The following NAT8L variants were observed in gnomAD, a reference collection of about 807,000 sequenced individuals.
The protein encoded by NAT8L is aspartate N-acetyltransferase.
Under a neutral mutation model 21.2 loss-of-function variants are expected in NAT8L, and 6 were observed. The observed-to-expected ratio is 0.28, with a 90% confidence interval of 0.16 to 0.56. The LOEUF is 0.56. NAT8L is among the 20% of genes least tolerant of loss of function. The pLI is 0.93. For synonymous variants in NAT8L, 239 were observed against 204.9 expected (o/e 1.17, Z -1.42); for missense variants, 331 against 433.3 (o/e 0.76, Z 2.10).
Position 2,059,562 on chromosome 4 carries a change from C to G in NAT8L, c.51C>G (p.Ala17=). Residue 17 remains alanine, a synonymous_variant, in exon 1 of 3, where the codon GCC becomes GCG. Transcript: ENST00000423729. The surrounding 1 kb of genome is among the most constrained non-coding windows in gnomAD (Gnocchi z 4.8). ...DMVCETKIVA[A]EDHEALPGAK... ...TCTGCGAGACGAAGATCGTGGCCGC[C>G]GAGGACCATGAGGCGCTGCCGGGGG... 2.0e-6 allele frequency: 2 copies of G among 1,000,344 alleles called. No individual in the cohort carries two copies. Among genetic ancestry groups the G allele is most frequent in the South Asian group, 3.9e-5 (1 of 25,676 alleles). 62.0% of individuals were successfully genotyped at this position (1,000,344 alleles called of 1,614,324 possible). A position where few individuals can be genotyped will look rare whatever the true frequency, so the allele number is the denominator to read the frequency against.
intron 2 of NAT8L, among the ~76,000 whole-genome samples, chr4:2,061,832 C>T (rs1729898334): frequency 6.6e-6 from 1 of 152,152 alleles, no homozygotes; most frequent in Non-Finnish European, 1.5e-5. Context: ...TCTCTGCGAT[C>T]CTGGAGCGTC....
intron 2 of NAT8L, 147 bp downstream of exon 2, chr4:2,061,309 C>G: frequency 6.9e-7 from 1 of 1,443,402 alleles, no homozygotes; most frequent in Non-Finnish European, 9.2e-7. Flanking sequence ...TCTGGGTGAC[C>G]GAGGCCTCCG....
chr4:2,066,941 G>A lies in NAT8L; in HGVS notation c.*2814G>A, dbSNP rs1283205985. Reference sequence around the variant, plus strand: ...CTGGGCGAAGGAGGACATCCTCACTGGACGAGCACTGCAGGCCTGACGAGA... The same window carrying A: ...CTGGGCGAAGGAGGACATCCTCACTAGACGAGCACTGCAGGCCTGACGAGA... On this transcript the variant is annotated 3_prime_UTR_variant, in exon 3 of 3. Transcript: ENST00000423729. 6.6e-6 allele frequency: 1 copy of A among 152,390 alleles called. No individual in the cohort carries two copies. Among genetic ancestry groups the A allele is most frequent in the Non-Finnish European group, 1.5e-5 (1 of 68,168 alleles). 9.4% of individuals were successfully genotyped at this position (152,390 alleles called of 1,614,324 possible). A position where few individuals can be genotyped will look rare whatever the true frequency, so the allele number is the denominator to read the frequency against.
chr4:2,066,029 T>G lies in NAT8L; in HGVS notation c.*1902T>G, dbSNP rs1373706335. 1 of 152,434 alleles carries G rather than the reference T, an allele frequency of 6.6e-6. No homozygotes were observed. The highest frequency in any genetic ancestry group is 1.9e-4 in the East Asian group (1 of 5,160). 9.4% of individuals were successfully genotyped at this position (152,434 alleles called of 1,614,324 possible). ...GCAGGGCGGGCCAGGTGGAGTCAGG[T>G]CTTGGGGGTGTCATGTCGGGGTGCT... On this transcript the variant is annotated 3_prime_UTR_variant, in exon 3 of 3. Coordinates refer to ENST00000423729, the MANE Select transcript of NAT8L (RefSeq NM_178557.4).
chr4:2,065,358 C>G lies in NAT8L; in HGVS notation c.*1231C>G, dbSNP rs1422739368. 1.3e-5 allele frequency: 2 copies of G among 151,470 alleles called. No individual in the cohort carries two copies. Among genetic ancestry groups the G allele is most frequent in the African/African-American group, 4.9e-5 (2 of 41,056 alleles). The allele number at this position is 151,470 out of a possible 1,614,324, so 9.4% of individuals were successfully genotyped here. A position where few individuals can be genotyped will look rare whatever the true frequency, so the allele number is the denominator to read the frequency against. The stretch of plus-strand genomic sequence containing the variant: ...TTGGGCTGGGTGGGAAGAGGGGTGG[C>G]CGCCTCGGCTTCCGCTGGCCATGCT... On this transcript the variant is annotated 3_prime_UTR_variant, in exon 3 of 3. Transcript: ENST00000423729.
intron 2 of NAT8L, 78 bp from the exon 3 acceptor site, chr4:2,063,682 G>T (rs1023559527): frequency 3.8e-6 from 6 of 1,597,612 alleles, no homozygotes; most frequent in Non-Finnish European, 5.1e-6. Context: ...AGTGCCAAGG[G>T]CCCTGTCTCA....
intron 2 of NAT8L, among the ~76,000 whole-genome samples, chr4:2,061,778 C>G (rs1016555694): frequency 6.6e-6 from 1 of 152,144 alleles, no homozygotes; most frequent in Non-Finnish European, 1.5e-5. Context: ...TCCCCCATGC[C>G]GGATGCCGCA....
intron 2 of NAT8L, among the ~76,000 whole-genome samples, chr4:2,063,442 T>C (rs1729930295): frequency 6.6e-6 from 1 of 152,266 alleles, no homozygotes; most frequent in African/African-American, 2.4e-5. Context: ...TGACCACTAC[T>C]CTGAGCAGCG....
rs777096184 is a variant in NAT8L at position 2,063,876 on chromosome 4, C to A, written c.658C>A (p.Arg220=). 49 of 1,612,428 alleles carry A rather than the reference C, an allele frequency of 3.0e-5. No individual in the cohort carries two copies. The highest frequency in any genetic ancestry group is 4.1e-5 in the Non-Finnish European group (48 of 1,179,936). ...GCGGATGTCTGTGGACTCACGTTTCCGAGGCAAGGGCATCGCCAAGGCGCT... is the reference window on the plus strand; with the variant it reads ...GCGGATGTCTGTGGACTCACGTTTCAGAGGCAAGGGCATCGCCAAGGCGCT... ...LLRMSVDSRF[R]GKGIAKALGR... The change falls in exon 3 of 3, where the codon CGA becomes AGA. Residue 220 remains arginine (R), a synonymous_variant. Transcript: ENST00000423729.
rs1400094450 is a variant in NAT8L, at chr4:2,060,093, C to T, written c.376+206C>T. On this transcript the variant is annotated intron_variant, in intron 1 of 2. Coordinates refer to ENST00000423729, the MANE Select transcript of NAT8L (RefSeq NM_178557.4). This position sits in a 1 kb window ranked among gnomAD's most constrained non-coding sequence, Gnocchi z 4.7. ...CGAGCGGGCCGGAGCCGGGGAGGGT[C>T]CGGGGTCCGCACCTGCGTCCCCGCC... Among the ~76,000 whole-genome samples the T allele has an allele frequency of 6.6e-6, 1 of 151,936 alleles. No individual in the cohort carries two copies. Among genetic ancestry groups the T allele is most frequent in the African/African-American group, 2.4e-5 (1 of 41,526 alleles).
chr4:2,063,982 C>T lies in NAT8L; in HGVS notation c.764C>T (p.Ala255Val). Residue 255 changes from alanine (A) to valine (V), a missense_variant, in exon 3 of 3, where the codon GCC becomes GTC. Around this residue, in one of 2 missense-constraint regions of NAT8L, gnomAD observed 132 missense variants for 237.1 expected, o/e 0.56. Coordinates refer to ENST00000423729, the MANE Select transcript of NAT8L (RefSeq NM_178557.4). Reference protein sequence around the residue: ...VLGTTAVKVAAHKLYESLGFR... With the variant: ...VLGTTAVKVAVHKLYESLGFR... ...GGCACGACGGCCGTCAAGGTGGCCG[C>T]CCACAAGCTCTACGAGTCGCTGGGC... 1 of 1,611,802 alleles carries T rather than the reference C, an allele frequency of 6.2e-7. No homozygotes were observed.
rs535937827 is a variant in NAT8L, at chr4:2,064,168, C to G, written c.*41C>G. ...CGCCCGCCCCCCCGGCCGCCCTGTC[C>G]GCCTTTGCCCGCCTGCCCGCCGCCC... is the stretch of plus-strand genomic sequence containing the variant. On this transcript the variant is annotated 3_prime_UTR_variant, in exon 3 of 3. Transcript: ENST00000423729. 4 of 1,258,472 alleles carry G rather than the reference C, an allele frequency of 3.2e-6. No homozygotes were observed. The highest frequency in any genetic ancestry group is 4.0e-6 in the Non-Finnish European group (4 of 998,966). The allele number at this position is 1,258,472 out of a possible 1,614,324, so 78.0% of individuals were successfully genotyped here.
Position 2,059,964 on chromosome 4 carries a change from C to A in NAT8L, c.376+77C>A, listed in dbSNP as rs1460893177. 2.4e-5 allele frequency: 21 copies of A among 888,840 alleles called. No homozygotes were observed. The East Asian group carries it at 8.5e-4, about 36-fold the overall frequency. 55.1% of individuals were successfully genotyped at this position (888,840 alleles called of 1,614,324 possible). ...TCCCCCGCCCCGGCGTCCACGCGGA[C>A]CCCGCGCCCGGCTCCCGGGGACCAG... On this transcript the variant is annotated intron_variant, in intron 1 of 2. Transcript: ENST00000423729. This position sits in a 1 kb window ranked among gnomAD's most constrained non-coding sequence, Gnocchi z 4.8.
At chr4:2,061,239 C>A in intron 2 of NAT8L, 77 bp downstream of exon 2, 16 of 1,584,774 alleles carry the variant, frequency 1.0e-5, no homozygotes, top group Non-Finnish European at 1.3e-5. Flanking sequence ...GACCTCAGGG[C>A]AGGCCTGGGC....
In NAT8L at chr4:2,060,918, C is replaced by A; in HGVS notation, c.377-80C>A. The A allele has an allele frequency of 1.4e-6, 1 of 715,402 alleles. No homozygotes were observed. The highest frequency in any genetic ancestry group is 2.2e-6 in the Non-Finnish European group (1 of 464,094). 44.3% of individuals were successfully genotyped at this position (715,402 alleles called of 1,614,324 possible). A position where few individuals can be genotyped will look rare whatever the true frequency, so the allele number is the denominator to read the frequency against. On this transcript the variant is annotated intron_variant, in intron 1 of 2. Transcript: ENST00000423729. The surrounding 1 kb of genome is among the most constrained non-coding windows in gnomAD (Gnocchi z 4.7). ...CAGGAGCGCGGCCGGGCGCGGCGTC[C>A]CTAGCGGGCTTCGCCGGGGTGGCGT...
rs112315376 is a variant in NAT8L at position 2,067,705 on chromosome 4, G to A, written c.*3578G>A. The A allele has an allele frequency of 1.3e-5, 2 of 152,354 alleles. 1 individual carries two copies. The highest frequency in any genetic ancestry group is 4.8e-5 in the African/African-American group (2 of 41,574). 9.4% of individuals were successfully genotyped at this position (152,354 alleles called of 1,614,324 possible). On this transcript the variant is annotated 3_prime_UTR_variant, in exon 3 of 3. Transcript: ENST00000423729. Reference sequence around the variant, plus strand: ...CGGGCAGGGGGCTGTGTGGGCCCTCGTGGGGCCACCTTCCTGTCAGTGCCC... The same window carrying A: ...CGGGCAGGGGGCTGTGTGGGCCCTCATGGGGCCACCTTCCTGTCAGTGCCC...
rs1365415238 is a variant in NAT8L, at chr4:2,066,043, TGTC to T, written c.*1918_*1920del. 1.3e-5 allele frequency: 2 copies of T among 152,608 alleles called. No individual in the cohort carries two copies. The highest frequency in any genetic ancestry group is 2.9e-5 in the Non-Finnish European group (2 of 68,232). 9.5% of individuals were successfully genotyped at this position (152,608 alleles called of 1,614,324 possible). On this transcript the variant is annotated 3_prime_UTR_variant, in exon 3 of 3. Transcript: ENST00000423729. ...GTGGAGTCAGGTCTTGGGGGTGTCA[TGTC>T]GGGGTGCTGCCAGCGTCCCTTGGTC...
chr4:2,063,705 A>C, intron 2 of NAT8L, 55 bp from the exon 3 acceptor site: 1 of 1,602,292 alleles, frequency 6.2e-7, no homozygotes, highest in Non-Finnish European at 8.5e-7. Flanking sequence ...CCAGAGGTGG[A>C]GGGGTCTCCC....
chr4:2,061,134 C>T lies in NAT8L; in HGVS notation c.513C>T (p.Asp171=). 1 of 1,611,440 alleles carries T rather than the reference C, an allele frequency of 6.2e-7. No individual in the cohort carries two copies. The highest frequency in any genetic ancestry group is 1.7e-4 in the Middle Eastern group (1 of 6,058). ...LECALHTDMA[D]IEQYYMKPPG... ...GCGCGCTGCACACGGACATGGCGGA[C>T]ATCGAGCAGTACTACATGAAGCCGC... The change falls in exon 2 of 3, where the codon GAC becomes GAT. Residue 171 remains aspartate (D), a synonymous_variant. Coordinates refer to ENST00000423729, the MANE Select transcript of NAT8L (RefSeq NM_178557.4).
Sources: allele counts gnomAD v4.1 joint callset (sites outside exome capture counted in the v4.1 genomes callset), GRCh38; gene constraint gnomAD v4.1.1; regional missense constraint gnomAD v4.1.1; non-coding constraint Gnocchi (gnomAD v3.1); transcripts MANE v1.5; gene names NCBI Gene and HGNC (gene_info 2026-07-23, HGNC 2026-07-21).